The following LSAMP variants were observed in gnomAD, a reference collection of about 807,000 sequenced individuals.
LSAMP encodes limbic system-associated membrane protein.
Under a neutral mutation model 38.6 loss-of-function variants are expected in LSAMP, and 7 were observed. The ratio of observed to expected loss-of-function variants is 0.18; its 90% confidence interval spans 0.10 to 0.34. The LOEUF is 0.34. Ranked by LOEUF, LSAMP falls within the 10% of genes least tolerant of loss-of-function variation. LSAMP has a pLI of 1.00. For missense variants in LSAMP, 313 were observed against 420.0 expected (o/e 0.75, Z 2.23); for synonymous variants, 154 against 166.8 (o/e 0.92, Z 0.59).
At chr3:116,288,213 C>A (rs1211899193) in intron 1 of LSAMP, among the ~76,000 whole-genome samples, 1 of 152,306 alleles carries the variant, frequency 6.6e-6, no homozygotes, top group South Asian at 2.1e-4. Flanking sequence ...GGCACTCATG[C>A]TCTCTTTGGA....
At chr3:116,239,031 C>T (rs368291004) in intron 1 of LSAMP, among the ~76,000 whole-genome samples, 231 of 152,232 alleles carry the variant, frequency 1.5e-3, no homozygotes, top group South Asian at 4.8e-3. Context: ...GTTCTCTCCA[C>T]GTGGCTAGGC....
Position 116,175,240 on chromosome 3 carries a change from T to C in LSAMP, c.156-88684A>G, listed in dbSNP as rs147582350. Among the ~76,000 whole-genome samples, 327 of 152,228 alleles carry C rather than the reference T, an allele frequency of 2.1e-3. 1 individual carries two copies. The highest frequency in any genetic ancestry group is 7.7e-3 in the African/African-American group (318 of 41,554). On this transcript the variant is annotated intron_variant, in intron 1 of 6. Coordinates refer to ENST00000490035, the MANE Select transcript of LSAMP (RefSeq NM_002338.5). ...TGCTTGCTTTCTTCTTTTTCTTTCT[T>C]TGGGAAATAAACTTTTTCATTTTTA...
chr3:116,310,784 C>T (rs182026683), intron 1 of LSAMP, among the ~76,000 whole-genome samples: 1 of 152,000 alleles, frequency 6.6e-6, no homozygotes, highest in African/African-American at 2.4e-5. Flanking sequence ...TCTTTACATA[C>T]TTGGAAAAAT....
At chr3:115,921,149 T>C (rs900051454) in intron 3 of LSAMP, among the ~76,000 whole-genome samples, 1 of 152,140 alleles carries the variant, frequency 6.6e-6, no homozygotes, top group Non-Finnish European at 1.5e-5. Context: ...TTTCTATCCA[T>C]TCAGTCATTC....
intron 1 of LSAMP, among the ~76,000 whole-genome samples, chr3:116,229,680 T>G (rs1397230664): frequency 3.9e-5 from 6 of 152,196 alleles, no homozygotes; most frequent in African/African-American, 1.2e-4. Context: ...CATTTGTATT[T>G]GTATTTCACA....
At chr3:115,822,376 T>TTTGACAGAGTTTCGCTC (rs2107468028) in intron 6 of LSAMP, among the ~76,000 whole-genome samples, 2 of 150,892 alleles carry the variant, frequency 1.3e-5, no homozygotes, top group Middle Eastern at 3.4e-3. Context: ...TTTTTTTTTT[T>TTTGACAGAGTTTCGCTC]TTTGACAGAG....
chr3:116,076,421 C>G (rs180743461), intron 2 of LSAMP, among the ~76,000 whole-genome samples: 22 of 152,132 alleles, frequency 1.4e-4, no homozygotes, highest in African/African-American at 4.8e-4. Flanking sequence ...CCACGCCCAG[C>G]TAATTTTTTG....
intron 1 of LSAMP, among the ~76,000 whole-genome samples, chr3:116,435,825 C>A (rs563093406): frequency 1.3e-5 from 2 of 152,234 alleles, no homozygotes; most frequent in South Asian, 4.2e-4. Context: ...TAATCAGGGT[C>A]CCTCTGAGAG....
intron 3 of LSAMP, among the ~76,000 whole-genome samples, chr3:115,965,552 A>T (rs1005599776): frequency 6.6e-6 from 1 of 151,644 alleles, no homozygotes; most frequent in African/African-American, 2.4e-5. Flanking sequence ...TTCATCAAAC[A>T]GTAATTGAAA....
intron 1 of LSAMP, among the ~76,000 whole-genome samples, chr3:116,179,460 T>C (rs565496759): frequency 6.6e-6 from 1 of 152,216 alleles, no homozygotes; most frequent in African/African-American, 2.4e-5. Context: ...TCCCTTCTCA[T>C]ACTGCTATAA....
chr3:115,932,726 A>G (rs1365694422), intron 3 of LSAMP, among the ~76,000 whole-genome samples: 3 of 151,674 alleles, frequency 2.0e-5, no homozygotes, highest in Non-Finnish European at 4.4e-5. Context: ...AGTCTTTTCC[A>G]ACATGGTAGT....
intron 1 of LSAMP, among the ~76,000 whole-genome samples, chr3:116,211,583 G>A (rs2046157267): frequency 1.3e-5 from 2 of 152,178 alleles, no homozygotes; most frequent in Non-Finnish European, 2.9e-5. Flanking sequence ...ATTTTAGGGG[G>A]TCCAAAGTGA....
At chr3:116,421,806 C>G (rs1265014767) in intron 1 of LSAMP, among the ~76,000 whole-genome samples, 1 of 152,098 alleles carries the variant, frequency 6.6e-6, no homozygotes, top group African/African-American at 2.4e-5. Context: ...TATGAAAAAC[C>G]TGAAACAGTC....
At chr3:116,088,885 C>G (rs527401174) in intron 1 of LSAMP, among the ~76,000 whole-genome samples, 1 of 152,142 alleles carries the variant, frequency 6.6e-6, no homozygotes, top group Non-Finnish European at 1.5e-5. Flanking sequence ...TAGGATAAAA[C>G]AGGCATTTGA....
At chr3:115,914,108 G>A (rs138271936) in intron 3 of LSAMP, among the ~76,000 whole-genome samples, 8 of 152,278 alleles carry the variant, frequency 5.3e-5, no homozygotes, top group African/African-American at 1.7e-4. Flanking sequence ...AAGTTAGAGT[G>A]ATCAAAAGAA....
At chr3:116,435,711 A>T (rs534638445) in intron 1 of LSAMP, among the ~76,000 whole-genome samples, 1 of 152,210 alleles carries the variant, frequency 6.6e-6, no homozygotes, top group Admixed American at 6.5e-5. Flanking sequence ...CTATTGGGGG[A>T]AAAAAGTTCT....
At chr3:116,366,888 A>G (rs1327532420) in intron 1 of LSAMP, among the ~76,000 whole-genome samples, 1 of 152,122 alleles carries the variant, frequency 6.6e-6, no homozygotes, top group Non-Finnish European at 1.5e-5. Context: ...ATCCCACATT[A>G]TCTTCCTGAG....
intron 2 of LSAMP, among the ~76,000 whole-genome samples, chr3:116,078,619 C>A (rs1045197307): frequency 1.3e-5 from 2 of 152,338 alleles, no homozygotes; most frequent in Non-Finnish European, 2.9e-5. Flanking sequence ...AGCCACTGCA[C>A]CCGGCCCTAT....
At chr3:115,856,342 G>A (rs1035496107) in intron 3 of LSAMP, among the ~76,000 whole-genome samples, 1 of 152,188 alleles carries the variant, frequency 6.6e-6, no homozygotes, top group Non-Finnish European at 1.5e-5. Context: ...TCCAGGCTGG[G>A]TATGGTGGCT....
Sources: gnomAD v4.1 joint callset for allele counts (sites outside exome capture counted in the v4.1 genomes callset) on GRCh38, gnomAD v4.1.1 for gene constraint, MANE v1.5 for transcripts, NCBI Gene and HGNC (gene_info 2026-07-23, HGNC 2026-07-21) for gene names.